WASHC3: variants seen among roughly 807,000 people sequenced by gnomAD.
WASHC3 encodes WASH complex subunit 3.
In WASHC3, 24 loss-of-function variants were observed where a neutral mutation model predicts 26.1. The ratio of observed to expected loss-of-function variants is 0.92; its 90% CI spans 0.66 to 1.29. The LOEUF is 1.29. Ranked by LOEUF, WASHC3 falls within the 50% of genes most tolerant of loss-of-function variation. The pLI is 0.00. For synonymous variants in WASHC3, 77 were observed against 75.7 expected, an observed-to-expected ratio of 1.02 and a Z score of -0.09; for missense variants, 214 against 229.6, an observed-to-expected ratio of 0.93 and a Z score of 0.44.
chr12:102,048,423 A>G (rs7314571), intron 2 of WASHC3: 46,455 of 151,994 alleles, frequency 0.31, 7,535 homozygotes, highest in East Asian at 0.43. Flanking sequence ...AAATTAGCCA[A>G]GTGTGGTGGT....
chr12:102,034,626 C>T (rs999697816), intron 5 of WASHC3, among the ~76,000 whole-genome samples: 16 of 151,882 alleles, frequency 1.1e-4, no homozygotes, highest in Admixed American at 7.2e-4. Flanking sequence ...AGAAGCTTTA[C>T]GCTGAAATCA....
intron 1 of WASHC3, 34 bp from the exon 2 acceptor site, chr12:102,061,380 G>A (rs755881197): frequency 7.3e-7 from 1 of 1,376,654 alleles, no homozygotes; most frequent in Non-Finnish European, 1.0e-6. Context: ...GGTTCATACA[G>A]GAGGAACGTA....
chr12:102,016,791 AAG>A (rs1380119241), intron 6 of WASHC3, among the ~76,000 whole-genome samples: 1 of 152,212 alleles, frequency 6.6e-6, no homozygotes, highest in Non-Finnish European at 1.5e-5. Context: ...GATATAAAGA[AAG>A]AAAATATTTT....
Position 102,061,313 on chromosome 12 carries a change from A to G in WASHC3, c.85T>C (p.Phe29Leu). The change falls in exon 2 of 7, where the codon TTT becomes CTT. Residue 29 changes from phenylalanine to leucine, a missense_variant. Phe to Leu is a conservative substitution (Grantham distance 22, BLOSUM62 0). Transcript: ENST00000240079. ...PAIQQKRTVA[F>L]LNQFVVHTVQ... Reference sequence around the variant, plus strand: ...GTGTGCACCACAAATTGGTTTAGAAAAGCCACCGTTCTTTTCTGTTGAATA... The same window carrying G: ...GTGTGCACCACAAATTGGTTTAGAAGAGCCACCGTTCTTTTCTGTTGAATA... The G allele has an allele frequency of 1.9e-6, 3 of 1,613,928 alleles. No homozygotes were observed. The highest frequency in any genetic ancestry group is 2.5e-6 in the Non-Finnish European group (3 of 1,179,840).
At position 102,012,920 on chromosome 12, in the gene WASHC3, T is replaced by A; in HGVS notation, c.*188A>T. 2.2e-6 allele frequency: 1 copy of A among 454,606 alleles called. No individual in the cohort carries two copies. The highest frequency in any genetic ancestry group is 3.9e-6 in the Non-Finnish European group (1 of 259,308). The allele number at this position is 454,606 out of a possible 1,614,324, so 28.2% of individuals were successfully genotyped here. On this transcript the variant is annotated 3_prime_UTR_variant, in exon 7 of 7. Coordinates refer to ENST00000240079, the MANE Select transcript of WASHC3 (RefSeq NM_016053.4). Reference sequence around the variant, plus strand: ...ATCCTATTTTTCATTTTGAGGCCCTTTATTTTAGCAACAAGACATACTGGC... The same window carrying A: ...ATCCTATTTTTCATTTTGAGGCCCTATATTTTAGCAACAAGACATACTGGC...
chr12:102,026,971 C>T (rs1452694227), intron 5 of WASHC3, among the ~76,000 whole-genome samples: 1 of 152,200 alleles, frequency 6.6e-6, no homozygotes, highest in Non-Finnish European at 1.5e-5. Flanking sequence ...GGAAAAAGCC[C>T]AATCACCTCT....
chr12:102,026,727 ATAAC>A (rs779099688), intron 5 of WASHC3, among the ~76,000 whole-genome samples: 62 of 152,242 alleles, frequency 4.1e-4, no homozygotes, highest in Non-Finnish European at 6.9e-4. Flanking sequence ...GACTTGATGT[ATAAC>A]TAAACATTTA....
chr12:102,056,224 T>C (rs1200144494), intron 2 of WASHC3, among the ~76,000 whole-genome samples: 1 of 152,248 alleles, frequency 6.6e-6, no homozygotes, highest in Non-Finnish European at 1.5e-5. Flanking sequence ...CTGCCTAAGA[T>C]ATCTGAGCAT....
chr12:102,038,308 T>C (rs562082752), intron 5 of WASHC3, among the ~76,000 whole-genome samples: 2 of 152,320 alleles, frequency 1.3e-5, no homozygotes, highest in South Asian at 4.1e-4. Flanking sequence ...GAAAAAGATT[T>C]TTTGAAGTTC....
At chr12:102,045,983 A>G (rs1878143852) in intron 3 of WASHC3, 71 bp downstream of exon 3, 1 of 835,162 alleles carries the variant, frequency 1.2e-6, no homozygotes, top group East Asian at 2.7e-5. Context: ...TGCAATGAAA[A>G]TTAAGTATGA....
chr12:102,024,728 TCTAA>T (rs1026172775), intron 6 of WASHC3, among the ~76,000 whole-genome samples: 11 of 152,236 alleles, frequency 7.2e-5, no homozygotes, highest in Admixed American at 1.3e-4. Flanking sequence ...TTATAGGAGG[TCTAA>T]CTGTGTATTT....
At chr12:102,034,035 C>A (rs1877546858) in intron 5 of WASHC3, among the ~76,000 whole-genome samples, 1 of 151,984 alleles carries the variant, frequency 6.6e-6, no homozygotes, top group Non-Finnish European at 1.5e-5. Context: ...TATCTAAAAT[C>A]TTGTTGGGAA....
At chr12:102,050,413 T>C (rs1878342562) in intron 2 of WASHC3, 2 of 407,528 alleles carry the variant, frequency 4.9e-6, no homozygotes, top group Admixed American at 5.3e-5. Flanking sequence ...AGCCCAAGAG[T>C]TGGAGACCAG....
intron 5 of WASHC3, among the ~76,000 whole-genome samples, chr12:102,028,360 A>G (rs1877287213): frequency 1.3e-5 from 2 of 152,176 alleles, no homozygotes; most frequent in Non-Finnish European, 2.9e-5. Context: ...AGTTTGAAAC[A>G]TTCCACAAAA....
intron 5 of WASHC3, among the ~76,000 whole-genome samples, chr12:102,038,457 G>T (rs1414657377): frequency 6.6e-6 from 1 of 152,040 alleles, no homozygotes. Context: ...GGCAAGAAGG[G>T]GCTAACATAA....
At chr12:102,031,316 C>T (rs547056769) in intron 5 of WASHC3, among the ~76,000 whole-genome samples, 132 of 152,258 alleles carry the variant, frequency 8.7e-4, no homozygotes, top group African/African-American at 3.0e-3. Flanking sequence ...TAAGGGAAAA[C>T]TCTATCCAAA....
Position 102,039,127 on chromosome 12 carries a change from G to GTT in WASHC3, c.435+740_435+741insAA, listed in dbSNP as rs151151284. 4.1e-3 allele frequency among the ~76,000 whole-genome samples: 342 copies of GTT among 84,230 alleles called. 32 individuals are homozygous for GTT. Among genetic ancestry groups the GTT allele is most frequent in the Non-Finnish European group, 6.3e-3 (270 of 43,118 alleles). 55.3% of individuals were successfully genotyped at this position (84,230 alleles called of 152,430 possible). A position where few individuals can be genotyped will look rare whatever the true frequency, so the allele number is the denominator to read the frequency against. ...AGGTGCATGCCATCATATGGAGTTAGGTTTTTTTTTTTTTTTTTTTTTTTA... is the reference window on the plus strand; with the variant it reads ...AGGTGCATGCCATCATATGGAGTTAGTTGTTTTTTTTTTTTTTTTTTTTTTTA... On this transcript the variant is annotated intron_variant, in intron 5 of 6. Transcript: ENST00000240079.
chr12:102,026,184 T>C (rs1877180877), intron 5 of WASHC3, 146 bp from the exon 6 acceptor site: 1 of 586,192 alleles, frequency 1.7e-6, no homozygotes, highest in Admixed American at 3.4e-5. Context: ...AGCACTAGAA[T>C]AATCTAGTAA....
chr12:102,018,400 C>A (rs1876801845), intron 6 of WASHC3, among the ~76,000 whole-genome samples: 1 of 152,176 alleles, frequency 6.6e-6, no homozygotes, highest in South Asian at 2.1e-4. Context: ...GTAGCAGCTG[C>A]ATCATTTTAT....
Sources: gnomAD v4.1 joint callset for allele counts (sites outside exome capture counted in the v4.1 genomes callset) on GRCh38, gnomAD v4.1.1 for gene constraint, MANE v1.5 for transcripts, NCBI Gene and HGNC (gene_info 2026-07-23, HGNC 2026-07-21) for gene names.